GNB1: variants seen among roughly 807,000 people sequenced by gnomAD.
GNB1 encodes guanine nucleotide-binding protein G(I)/G(S)/G(T) subunit beta-1.
In GNB1, 2 loss-of-function variants were observed where a neutral mutation model predicts 42.9. That is an observed-to-expected ratio of 0.05 (90% CI 0.02 to 0.15). The LOEUF (loss-of-function observed/expected upper bound fraction) is 0.15, where lower values mean the gene tolerates loss of function less well. Among genes scored for constraint, GNB1 ranks in the 10% least tolerant of loss-of-function variants. The pLI is 1.00. For synonymous variants in GNB1, 183 were observed against 174.7 expected (o/e 1.05, Z -0.38); for missense variants, 193 against 462.2 (o/e 0.42, Z 5.34).
chr1:1,803,645 A>G (rs1044021586), intron 7 of GNB1, among the ~76,000 whole-genome samples: 4 of 152,128 alleles, frequency 2.6e-5, no homozygotes, highest in African/African-American at 9.7e-5. Context: ...ATTTTCAGAA[A>G]ACTTCTGGCC....
intron 4 of GNB1, among the ~76,000 whole-genome samples, chr1:1,816,284 T>C (rs1163471531): frequency 3.3e-5 from 5 of 152,202 alleles, no homozygotes; most frequent in Admixed American, 1.3e-4. Flanking sequence ...AGGCTATGTG[T>C]GGGCCTGCAT....
chr1:1,814,811 A>AG (rs1646828933), intron 5 of GNB1, among the ~76,000 whole-genome samples: 1 of 144,260 alleles, frequency 6.9e-6, no homozygotes, highest in East Asian at 2.0e-4. Context: ...AAAAAAAAAA[A>AG]AAAAAAAAAG....
chr1:1,804,157 C>T (rs564107934), intron 7 of GNB1, among the ~76,000 whole-genome samples: 15 of 151,692 alleles, frequency 9.9e-5, no homozygotes, highest in Admixed American at 7.2e-4. Flanking sequence ...ATTAGCTGGG[C>T]GTGGTGGTGG....
At chr1:1,803,741 T>A (rs1646657101) in intron 7 of GNB1, among the ~76,000 whole-genome samples, 1 of 152,114 alleles carries the variant, frequency 6.6e-6, no homozygotes, top group Non-Finnish European at 1.5e-5. Flanking sequence ...CCCAGCACTT[T>A]GGGAGGCTAA....
At chr1:1,882,920 CAA>C (rs571867262) in intron 1 of GNB1, among the ~76,000 whole-genome samples, 6 of 114,852 alleles carry the variant, frequency 5.2e-5, no homozygotes, top group Admixed American at 8.9e-5. Flanking sequence ...GACTCCGTCT[CAA>C]AAAAAAAAAA....
At chr1:1,880,936 G>A (rs1380318399) in intron 1 of GNB1, among the ~76,000 whole-genome samples, 1 of 152,078 alleles carries the variant, frequency 6.6e-6, no homozygotes, top group Non-Finnish European at 1.5e-5. Context: ...CAAGAGTGGG[G>A]TAAAACAGCA....
At chr1:1,883,135 G>A (rs540450482) in intron 1 of GNB1, among the ~76,000 whole-genome samples, 11 of 151,906 alleles carry the variant, frequency 7.2e-5, no homozygotes, top group South Asian at 6.2e-4. Flanking sequence ...AGCTGGGCAC[G>A]GTGGCATGTG....
chr1:1,835,929 A>AG (rs1647142238), intron 2 of GNB1, among the ~76,000 whole-genome samples: 1 of 148,144 alleles, frequency 6.8e-6, no homozygotes, highest in Non-Finnish European at 1.5e-5. Flanking sequence ...AAAGAAAAAA[A>AG]AAAAAAAAAA....
At chr1:1,818,180 C>A in intron 3 of GNB1, 1 of 250,336 alleles carries the variant, frequency 4.0e-6, no homozygotes. Flanking sequence ...TGGGGCAGCA[C>A]CCACACACCC....
At chr1:1,799,300 A>G (rs780785861) in intron 7 of GNB1, among the ~76,000 whole-genome samples, 7 of 152,174 alleles carry the variant, frequency 4.6e-5, no homozygotes, top group Non-Finnish European at 7.3e-5. Context: ...ATTTCATGAA[A>G]TATGAAGGAA....
At chr1:1,848,443 T>A (rs1057347957) in intron 1 of GNB1, among the ~76,000 whole-genome samples, 2 of 151,754 alleles carry the variant, frequency 1.3e-5, no homozygotes, top group African/African-American at 4.8e-5. Flanking sequence ...TTCCACCAAG[T>A]ATGCCTGTCT....
At chr1:1,791,356 G>A (rs886946410) in intron 8 of GNB1, among the ~76,000 whole-genome samples, 2 of 152,000 alleles carry the variant, frequency 1.3e-5, no homozygotes, top group African/African-American at 2.4e-5. Context: ...TGTATTTTTA[G>A]TAGAGACGGG....
In GNB1 at chr1:1,864,686, C is replaced by T. The variant is rs546336617; in HGVS notation, c.-95-25448G>A. Among the ~76,000 whole-genome samples, 5 of 151,888 alleles carry T rather than the reference C, an allele frequency of 3.3e-5. No homozygotes were observed. The East Asian group carries it at 9.7e-4, about 29-fold the overall frequency. On this transcript the variant is annotated intron_variant, in intron 1 of 11. Transcript: ENST00000378609. ...TAAGAACTCTGAAAAACCCAGTATA[C>T]GAAAGACTTTTTCCACTAGTTTGTA...
chr1:1,791,359 G>C (rs1005420920), intron 8 of GNB1, among the ~76,000 whole-genome samples: 4 of 152,006 alleles, frequency 2.6e-5, no homozygotes, highest in Non-Finnish European at 4.4e-5. Flanking sequence ...ATTTTTAGTA[G>C]AGACGGGGTT....
chr1:1,885,513 T>C (rs1650097182), intron 1 of GNB1, among the ~76,000 whole-genome samples: 1 of 151,144 alleles, frequency 6.6e-6, no homozygotes, highest in Non-Finnish European at 1.5e-5. Context: ...AGAATTCTAA[T>C]TTAAGAAGAC....
chr1:1,838,873 C>G (rs560806465), intron 2 of GNB1, among the ~76,000 whole-genome samples: 1 of 152,182 alleles, frequency 6.6e-6, no homozygotes, highest in African/African-American at 2.4e-5. Context: ...AACCTTCTTG[C>G]TCAACACTAA....
At chr1:1,862,953 A>G (rs1336369971) in intron 1 of GNB1, among the ~76,000 whole-genome samples, 1 of 152,132 alleles carries the variant, frequency 6.6e-6, no homozygotes, top group Non-Finnish European at 1.5e-5. Context: ...CCATACACAC[A>G]CAAGAGGGAA....
Position 1,786,167 on chromosome 1 carries a change from G to A in GNB1, c.*896C>T, listed in dbSNP as rs1367686409. 12 of 398,122 alleles carry A rather than the reference G, an allele frequency of 3.0e-5. No individual in the cohort carries two copies. The highest frequency in any genetic ancestry group is 4.9e-5 in the Non-Finnish European group (11 of 225,820). The allele number at this position is 398,122 out of a possible 1,614,324, so 24.7% of individuals were successfully genotyped here. Reference sequence around the variant, plus strand: ...GACTGACTATCCAAGCACAGGACAGGCATCTCTCTTGAAAACAGAGGTTCC... The same window carrying A: ...GACTGACTATCCAAGCACAGGACAGACATCTCTCTTGAAAACAGAGGTTCC... On this transcript the variant is annotated 3_prime_UTR_variant, in exon 12 of 12. Coordinates refer to ENST00000378609, the MANE Select transcript of GNB1 (RefSeq NM_002074.5).
rs534564922 is a variant in GNB1, at chr1:1,789,156, G to A, written c.813C>T (p.Cys271=). 6.2e-6 allele frequency: 10 copies of A among 1,613,752 alleles called. No homozygotes were observed. Among genetic ancestry groups the A allele is most frequent in the East Asian group, 2.2e-5 (1 of 44,900 alleles). ...TGGAGAAGGAGACAGAGGTGATCCC[G>A]CAGATGATGTTGTCATGGGAGTAAG... is the stretch of plus-strand genomic sequence containing the variant. The part of the protein sequence containing the change: ...LMTYSHDNII[C]GITSVSFSKS... The change falls in exon 10 of 12, where the codon TGC becomes TGT. Residue 271 remains cysteine, a synonymous_variant. Coordinates refer to ENST00000378609, the MANE Select transcript of GNB1 (RefSeq NM_002074.5).
Sources: allele counts gnomAD v4.1 joint callset (sites outside exome capture counted in the v4.1 genomes callset), GRCh38; gene constraint gnomAD v4.1.1; transcripts MANE v1.5; gene names NCBI Gene and HGNC (gene_info 2026-07-23, HGNC 2026-07-21).